Variants in SLC22A24 observed in about 807,000 individuals in gnomAD.
SLC22A24 encodes the protein solute carrier family 22 member 24, also known as steroid transmembrane transporter SLC22A24.
In SLC22A24, 53 loss-of-function variants were observed where a neutral mutation model predicts 49.8. The ratio of observed to expected loss-of-function variants is 1.06; its 90% CI spans 0.85 to 1.34. The LOEUF (loss-of-function observed/expected upper bound fraction) is 1.34, where lower values mean the gene tolerates loss of function less well. SLC22A24 is among the 40% of genes most tolerant of loss of function. The probability of loss-of-function intolerance (pLI) is 0.00; values close to 1 mark genes in which losing one functional copy is unlikely to be tolerated. For missense variants in SLC22A24, 786 were observed against 675.9 expected (o/e 1.16, Z -1.81); for synonymous variants, 302 against 256.4 (o/e 1.18, Z -1.70).
intron 6 of SLC22A24, among the ~76,000 whole-genome samples, chr11:63,089,719 G>A (rs2087007050): frequency 6.6e-6 from 1 of 151,960 alleles, no homozygotes; most frequent in African/African-American, 2.4e-5. Flanking sequence ...AAAATGGCAA[G>A]CAAAAAAAGC....
chr11:63,141,388 T>C (rs1317547663), intron 1 of SLC22A24, among the ~76,000 whole-genome samples: 1 of 152,214 alleles, frequency 6.6e-6, no homozygotes, highest in Non-Finnish European at 1.5e-5. Flanking sequence ...CGTTGGGTTT[T>C]GTTTGGAAAG....
At chr11:63,095,944 T>C (rs2087051338) in intron 6 of SLC22A24, 47 bp downstream of exon 6, 1 of 1,303,086 alleles carries the variant, frequency 7.7e-7, no homozygotes, top group Non-Finnish European at 1.1e-6. Context: ...AGAAACAGTT[T>C]TGTGTCTCCA....
intron 1 of SLC22A24, among the ~76,000 whole-genome samples, chr11:63,140,803 A>G (rs2087410251): frequency 6.6e-6 from 1 of 152,214 alleles, no homozygotes; most frequent in South Asian, 2.1e-4. Context: ...AAGAAGGCAT[A>G]AGAATATGGC....
chr11:63,111,135 A>G (rs1025280375), intron 4 of SLC22A24, among the ~76,000 whole-genome samples: 14 of 152,090 alleles, frequency 9.2e-5, no homozygotes, highest in Admixed American at 7.9e-4. Context: ...GGTTCTTTTT[A>G]TATGCTGGAT....
chr11:63,087,509 C>A (rs1212461039), intron 6 of SLC22A24, among the ~76,000 whole-genome samples: 2 of 152,226 alleles, frequency 1.3e-5, no homozygotes, highest in African/African-American at 4.8e-5. Context: ...TGGGCAAACA[C>A]TGGGCTAGCT....
intron 1 of SLC22A24, among the ~76,000 whole-genome samples, chr11:63,136,687 A>G (rs2087377431): frequency 6.6e-6 from 1 of 152,208 alleles, no homozygotes; most frequent in Non-Finnish European, 1.5e-5. Flanking sequence ...GCAGTGGACA[A>G]GGTGTCTCAC....
chr11:63,113,049 TATATAC>T (rs2087180396), intron 4 of SLC22A24, among the ~76,000 whole-genome samples: 3 of 5,650 alleles, frequency 5.3e-4, no homozygotes, highest in South Asian at 0.042. Flanking sequence ...TATATATATA[TATATAC>T]ATATATATAT....
At chr11:63,094,412 G>T (rs2087039929) in intron 6 of SLC22A24, among the ~76,000 whole-genome samples, 1 of 151,916 alleles carries the variant, frequency 6.6e-6, no homozygotes, top group Non-Finnish European at 1.5e-5. Flanking sequence ...CCAAGTCTTT[G>T]CTATTGTGAA....
chr11:63,130,032 G>A (rs1268220875), intron 2 of SLC22A24, among the ~76,000 whole-genome samples: 4 of 152,234 alleles, frequency 2.6e-5, no homozygotes, highest in South Asian at 2.1e-4. Flanking sequence ...AGTGGTGAGA[G>A]AGGGCATCCT....
chr11:63,131,262 A>G (rs1156564041), intron 2 of SLC22A24, among the ~76,000 whole-genome samples: 1 of 152,078 alleles, frequency 6.6e-6, no homozygotes, highest in Admixed American at 6.6e-5. Flanking sequence ...TGATTGGGGC[A>G]TTTAGCCCAG....
At position 63,127,516 on chromosome 11, in the gene SLC22A24, A is replaced by G. The variant is rs949870007; in HGVS notation, c.506+7149T>C. 1.3e-5 allele frequency among the ~76,000 whole-genome samples: 2 copies of G among 152,168 alleles called. 1 individual carries two copies. Among genetic ancestry groups the G allele is most frequent in the East Asian group, 3.9e-4 (2 of 5,184 alleles). ...CCCAGGAATGTGATTGCTGGGTCAA[A>G]TGGTACTTCTAGTTCTAGAACCTTG... On this transcript the variant is annotated intron_variant, in intron 2 of 9. Coordinates refer to ENST00000612278, the MANE Select transcript of SLC22A24 (RefSeq NM_001136506.2).
chr11:63,102,921 T>C (rs964417331), intron 5 of SLC22A24, among the ~76,000 whole-genome samples: 7 of 152,156 alleles, frequency 4.6e-5, no homozygotes, highest in Non-Finnish European at 1.0e-4. Flanking sequence ...TATTGTATGC[T>C]GGATGTGTTG....
chr11:63,100,233 C>T (rs1474043605), intron 5 of SLC22A24, among the ~76,000 whole-genome samples: 1 of 151,930 alleles, frequency 6.6e-6, no homozygotes, highest in South Asian at 2.1e-4. Context: ...TTGCAAGATA[C>T]AAAATCAACA....
At chr11:63,132,254 A>T (rs1261007536) in intron 2 of SLC22A24, among the ~76,000 whole-genome samples, 1 of 152,112 alleles carries the variant, frequency 6.6e-6, no homozygotes, top group Non-Finnish European at 1.5e-5. Context: ...GAAGTTTGTT[A>T]TTACCAACCT....
intron 6 of SLC22A24, among the ~76,000 whole-genome samples, chr11:63,094,422 A>G (rs1258657158): frequency 6.6e-6 from 1 of 152,088 alleles, no homozygotes; most frequent in Non-Finnish European, 1.5e-5. Flanking sequence ...GCTATTGTGA[A>G]TAGTGCCACA....
At chr11:63,091,995 A>C (rs979652896) in intron 6 of SLC22A24, among the ~76,000 whole-genome samples, 9 of 152,210 alleles carry the variant, frequency 5.9e-5, no homozygotes, top group Non-Finnish European at 1.3e-4. Flanking sequence ...TTGTATATTT[A>C]GAAAACCCCA....
At chr11:63,095,890 T>C (rs539818356) in intron 6 of SLC22A24, 101 bp downstream of exon 6, 7 of 823,856 alleles carry the variant, frequency 8.5e-6, no homozygotes, top group Non-Finnish European at 1.4e-5. Context: ...TCTTCTCTTA[T>C]GTATTAAATG....
chr11:63,140,630 C>G (rs960877249), intron 1 of SLC22A24, among the ~76,000 whole-genome samples: 2 of 152,250 alleles, frequency 1.3e-5, no homozygotes, highest in Non-Finnish European at 1.5e-5. Context: ...ATCTGATGTC[C>G]TAGGCTTCAC....
At chr11:63,118,223 AT>A (rs5792277) in intron 4 of SLC22A24, among the ~76,000 whole-genome samples, 20 of 151,292 alleles carry the variant, frequency 1.3e-4, no homozygotes, top group African/African-American at 4.9e-4. Flanking sequence ...GTTAGCTGTT[AT>A]TTTTTTTTCA....
Sources: gnomAD v4.1 joint callset for allele counts (sites outside exome capture counted in the v4.1 genomes callset) on GRCh38, gnomAD v4.1.1 for gene constraint, MANE v1.5 for transcripts, NCBI Gene and HGNC (gene_info 2026-07-23, HGNC 2026-07-21) for gene names.